The following ESYT1 variants were observed in gnomAD, a reference collection of about 807,000 sequenced individuals.
ESYT1 encodes extended synaptotagmin 1.
In ESYT1, 116 loss-of-function variants were observed where a neutral mutation model predicts 154.2. The ratio of observed to expected loss-of-function variants is 0.75; its 90% CI spans 0.65 to 0.88. ESYT1 has a LOEUF of 0.88. Among genes scored for constraint, ESYT1 ranks in the 40% least tolerant of loss-of-function variants. The pLI is 0.00. For synonymous variants in ESYT1, 500 were observed against 539.9 expected (o/e 0.93, Z 1.02); for missense variants, 1,264 against 1,379.3 (o/e 0.92, Z 1.32).
At chr12:56,138,557 G>A in intron 22 of ESYT1, 58 bp downstream of exon 22, 1 of 1,478,430 alleles carries the variant, frequency 6.8e-7, no homozygotes. Flanking sequence ...CCTTCCTCCG[G>A]TTTGGATGGT....
At position 56,143,086 on chromosome 12, in the gene ESYT1, C is replaced by A. The variant is rs1238268552; in HGVS notation, c.3057C>A (p.Asn1019Lys). Residue 1019 changes from asparagine to lysine, a missense_variant, in exon 28 of 31, where the codon AAC (asparagine) becomes AAA (lysine). Physicochemically the swap from Asn to Lys is moderately conservative, Grantham distance 94. Transcript: ENST00000394048. Reference protein sequence around the residue: ...YVSLLLLPDKNRGTKRRTSQK... With the variant: ...YVSLLLLPDKKRGTKRRTSQK... ...CACTGTTGCTACTGCCAGACAAGAA[C>A]CGAGGCACCAAGAGGAGGACCTCAC... 1.9e-6 allele frequency: 3 copies of A among 1,614,196 alleles called. No individual in the cohort carries two copies. The highest frequency in any genetic ancestry group is 2.2e-5 in the South Asian group (2 of 91,086).
At chr12:56,138,132 A>T (rs1870539451) in intron 20 of ESYT1, 51 bp from the exon 21 acceptor site, 2 of 1,613,536 alleles carry the variant, frequency 1.2e-6, no homozygotes, top group Non-Finnish European at 1.7e-6. Flanking sequence ...TTCATTCTCA[A>T]AGTTCTCCTG....
rs1376951927 is a variant in ESYT1, at chr12:56,137,226, C to T, written c.1791C>T (p.Tyr597=). 15 of 1,614,188 alleles carry T rather than the reference C, an allele frequency of 9.3e-6. No individual in the cohort carries two copies. The highest frequency in any genetic ancestry group is 1.3e-5 in the Non-Finnish European group (15 of 1,180,036). The change falls in exon 17 of 31, where the codon TAC becomes TAT. Residue 597 remains tyrosine (Y), a synonymous_variant. Transcript: ENST00000394048. Reference sequence around the variant, plus strand: ...CATACTACCCTTCCTAGATCCTGTACTTGGATTCATCAGAAATATGCTTCC... The same window carrying T: ...CATACTACCCTTCCTAGATCCTGTATTTGGATTCATCAGAAATATGCTTCC... ...LYMKLVMRIL[Y]LDSSEICFPT... is the part of the protein sequence containing the mutation.
In ESYT1 at chr12:56,130,850, T is replaced by C. The variant is rs200452083; in HGVS notation, c.492T>C (p.Thr164=). Residue 164 remains threonine (T), a synonymous_variant, in exon 3 of 31, where the codon ACT becomes ACC. Coordinates refer to ENST00000394048, the MANE Select transcript of ESYT1 (RefSeq NM_015292.3). ...GQYMEKLLAE[T]VAPAVRGSNP... is the part of the protein sequence containing the mutation. ...ATATGGAGAAGCTTCTGGCTGAAAC[T>C]GTGGCTCCGGCTGTTAGGGGATCTA... 4.8e-5 allele frequency: 77 copies of C among 1,614,184 alleles called. 1 individual carries two copies. The Admixed American group carries it at 1.1e-3, about 23-fold the overall frequency.
At chr12:56,128,802 T>C (rs1870111155) in intron 1 of ESYT1, 93 bp downstream of exon 1, 1 of 1,511,322 alleles carries the variant, frequency 6.6e-7, no homozygotes, top group Non-Finnish European at 9.0e-7. Context: ...GTCAGCTCCC[T>C]GCCTTGGGAC....
At chr12:56,128,804 C>T (rs961939056) in intron 1 of ESYT1, 95 bp downstream of exon 1, 10 of 1,490,838 alleles carry the variant, frequency 6.7e-6, no homozygotes, top group Non-Finnish European at 9.1e-6. Context: ...CAGCTCCCTG[C>T]CTTGGGACAG....
intron 1 of ESYT1, chr12:56,129,132 C>T (rs1870123605): frequency 4.6e-6 from 1 of 215,646 alleles, no homozygotes; most frequent in Non-Finnish European, 9.5e-6. Context: ...CCATCCTCCT[C>T]GAGACTTTTT....
In ESYT1 at chr12:56,136,813, C is replaced by T; in HGVS notation, c.1702C>T (p.Pro568Ser). The T allele has an allele frequency of 6.2e-7, 1 of 1,608,250 alleles. No individual in the cohort carries two copies. Among genetic ancestry groups the T allele is most frequent in the Non-Finnish European group, 8.5e-7 (1 of 1,176,846 alleles). The change falls in exon 16 of 31, where the codon CCA becomes TCA. Residue 568 changes from proline to serine, a missense_variant. Physicochemically the swap from Pro to Ser is moderately conservative, Grantham distance 74. Coordinates refer to ENST00000394048, the MANE Select transcript of ESYT1 (RefSeq NM_015292.3). The part of the protein sequence containing the change: ...TLPLARLLTA[P>S]ELILDQWFQL... ...GCCTCTGGCCCGCCTGCTGACTGCC[C>T]CAGAACTCATCCTGGACCAGTGGTT...
At chr12:56,132,184 C>A (rs1357054476) in intron 7 of ESYT1, 25 bp from the exon 8 acceptor site, 6 of 1,614,060 alleles carry the variant, frequency 3.7e-6, no homozygotes, top group Non-Finnish European at 5.1e-6. Context: ...AGGCCATACC[C>A]ACTCCTTTCT....
At chr12:56,140,515 C>T (rs1230177071) in intron 24 of ESYT1, among the ~76,000 whole-genome samples, 1 of 152,102 alleles carries the variant, frequency 6.6e-6, no homozygotes, top group Non-Finnish European at 1.5e-5. Context: ...AGGTGCCCGC[C>T]ACCACGCCCA....
At chr12:56,130,083 T>C (rs576963717) in intron 1 of ESYT1, among the ~76,000 whole-genome samples, 1 of 152,238 alleles carries the variant, frequency 6.6e-6, no homozygotes, top group African/African-American at 2.4e-5. Context: ...CCGGCTAATT[T>C]TGTATTTTTA....
At position 56,133,640 on chromosome 12, in the gene ESYT1, T is replaced by C. The variant is rs1310051202; in HGVS notation, c.1346T>C (p.Leu449Pro). Residue 449 changes from leucine to proline, a missense_variant, in exon 12 of 31, where the codon CTG (leucine) becomes CCG (proline). By Grantham distance (98) the Leu-to-Pro change is moderately conservative. Transcript: ENST00000394048. ...QGQVHLRLEW[L>P]SLLSDAEKLE... The stretch of plus-strand genomic sequence containing the variant: ...CAAGTTCACTTGAGGCTAGAATGGC[T>C]GTCACTTTTGTCAGATGCAGAGAAA... 1 of 1,614,224 alleles carries C rather than the reference T, an allele frequency of 6.2e-7. No homozygotes were observed. The highest frequency in any genetic ancestry group is 2.2e-5 in the East Asian group (1 of 44,886).
In ESYT1 at chr12:56,137,384, A is replaced by G; in HGVS notation, c.1938+11A>G. 6.2e-7 allele frequency: 1 copy of G among 1,614,122 alleles called. No homozygotes were observed. Among genetic ancestry groups the G allele is most frequent in the Non-Finnish European group, 8.5e-7 (1 of 1,180,006 alleles). ...CAGTTTGGGACTGAGGTGAGTCTAT[A>G]TCTGGAAAGGACTAGGGTCTGTTTG... On this transcript the variant is annotated intron_variant, in intron 17 of 30. Transcript: ENST00000394048.
At chr12:56,134,721 C>T (rs1870380849) in intron 15 of ESYT1, among the ~76,000 whole-genome samples, 1 of 151,990 alleles carries the variant, frequency 6.6e-6, no homozygotes, top group Non-Finnish European at 1.5e-5. Context: ...GCCTCAGCCT[C>T]CCGAGTAGCT....
In ESYT1 at chr12:56,136,923, G is replaced by C. The variant is rs199826430; in HGVS notation, c.1782+30G>C. 18 of 1,552,826 alleles carry C rather than the reference G, an allele frequency of 1.2e-5. No individual in the cohort carries two copies. The East Asian group carries it at 2.5e-4, about 22-fold the overall frequency. ...GGAAATAGAGGAGGTACTGAGGTGT[G>C]GGGGAAAGGCCTGTTGATTCTTTGG... is the stretch of plus-strand genomic sequence containing the variant. On this transcript the variant is annotated intron_variant, in intron 16 of 30. Coordinates refer to ENST00000394048, the MANE Select transcript of ESYT1 (RefSeq NM_015292.3).
At position 56,132,723 on chromosome 12, in the gene ESYT1, T is replaced by G; in HGVS notation, c.1166T>G (p.Met389Arg). 1 of 1,614,154 alleles carries G rather than the reference T, an allele frequency of 6.2e-7. No homozygotes were observed. The highest frequency in any genetic ancestry group is 8.5e-7 in the Non-Finnish European group (1 of 1,180,028). ...TCAGCCTTCTGTGTTCCCCAGGTGA[T>G]GGTACACGAGGTCCCAGGGCAGGAG... ...NPQWGETYEV[M>R]VHEVPGQEIE... The change falls in exon 10 of 31, where the codon ATG (methionine) becomes AGG (arginine). Residue 389 changes from methionine (M) to arginine (R), a missense_variant. Coordinates refer to ENST00000394048, the MANE Select transcript of ESYT1 (RefSeq NM_015292.3).
rs1870331261 is a variant in ESYT1, at chr12:56,133,636, T to A, written c.1342T>A (p.Trp448Arg). The A allele has an allele frequency of 6.2e-7, 1 of 1,614,108 alleles. No homozygotes were observed. Among genetic ancestry groups the A allele is most frequent in the Non-Finnish European group, 8.5e-7 (1 of 1,180,048 alleles). The change falls in exon 12 of 31, where the codon TGG becomes AGG. Residue 448 changes from tryptophan to arginine, a missense_variant. Transcript: ENST00000394048. ...AGGCCAAGTTCACTTGAGGCTAGAA[T>A]GGCTGTCACTTTTGTCAGATGCAGA... Reference protein sequence around the residue: ...GQGQVHLRLEWLSLLSDAEKL... With the variant: ...GQGQVHLRLERLSLLSDAEKL...
Position 56,142,461 on chromosome 12 carries a change from A to T in ESYT1, c.2733+36A>T. ...GGAGATGGTGGGCAGGATGAGAGGGAGGAGGGGAGGGCCTTCACAGGTGAG... is the reference window on the plus strand; with the variant it reads ...GGAGATGGTGGGCAGGATGAGAGGGTGGAGGGGAGGGCCTTCACAGGTGAG... On this transcript the variant is annotated intron_variant, in intron 25 of 30. Transcript: ENST00000394048. The surrounding 1 kb of genome is among the most constrained non-coding windows in gnomAD (Gnocchi z 4.1). 2 of 1,607,330 alleles carry T rather than the reference A, an allele frequency of 1.2e-6. No homozygotes were observed. Among genetic ancestry groups the T allele is most frequent in the Non-Finnish European group, 1.7e-6 (2 of 1,175,152 alleles).
chr12:56,144,259 C>T lies in ESYT1; in HGVS notation c.*397C>T, dbSNP rs1870833249. 5 of 1,088,256 alleles carry T rather than the reference C, an allele frequency of 4.6e-6. No individual in the cohort carries two copies. Among genetic ancestry groups the T allele is most frequent in the Non-Finnish European group, 5.6e-6 (5 of 891,130 alleles). 67.4% of individuals were successfully genotyped at this position (1,088,256 alleles called of 1,614,324 possible). A position where few individuals can be genotyped will look rare whatever the true frequency, so the allele number is the denominator to read the frequency against. On this transcript the variant is annotated 3_prime_UTR_variant, in exon 31 of 31. Coordinates refer to ENST00000394048, the MANE Select transcript of ESYT1 (RefSeq NM_015292.3). ...TTTAACTAGATGGTCACCTTCTTCC[C>T]TACCACACATGGGTGGGAAGGTGGA...
Sources: gnomAD v4.1 joint callset for allele counts (sites outside exome capture counted in the v4.1 genomes callset) on GRCh38, gnomAD v4.1.1 for gene constraint, Gnocchi (gnomAD v3.1) non-coding constraint, MANE v1.5 for transcripts, NCBI Gene and HGNC (gene_info 2026-07-23, HGNC 2026-07-21) for gene names.